The following TNNI2 variants were observed in gnomAD, a reference collection of about 807,000 sequenced individuals.
TNNI2 encodes troponin I, fast skeletal muscle.
TNNI2 carries 14 observed loss-of-function variants against 26.5 expected under a neutral mutation model. That is an observed-to-expected ratio of 0.53 (90% CI 0.35 to 0.83). The LOEUF is 0.83. TNNI2 is among the 40% of genes least tolerant of loss of function. TNNI2 has a pLI of 0.01. For missense variants in TNNI2, 205 were observed against 248.5 expected (o/e 0.82, Z 1.18); for synonymous variants, 126 against 97.6 (o/e 1.29, Z -1.71).
At chr11:1,841,306 G>T in intron 7 of TNNI2, 99 bp downstream of exon 7, 1 of 1,552,618 alleles carries the variant, frequency 6.4e-7, no homozygotes, top group Non-Finnish European at 8.8e-7. Context: ...CTGCCCTGCC[G>T]GGGGCCCTGT....
intron 7 of TNNI2, 105 bp downstream of exon 7, chr11:1,841,312 C>G (rs1847176279): frequency 6.5e-7 from 1 of 1,544,000 alleles, no homozygotes; most frequent in Non-Finnish European, 8.8e-7. Context: ...TGCCGGGGGC[C>G]CTGTACCACT....
At chr11:1,840,265 C>A in intron 3 of TNNI2, 138 bp from the exon 4 acceptor site, 1 of 1,549,090 alleles carries the variant, frequency 6.5e-7, no homozygotes, top group Non-Finnish European at 8.7e-7. Flanking sequence ...GCCCAGCCTG[C>A]CCATCATGGC....
At position 1,840,795 on chromosome 11, in the gene TNNI2, GC is replaced by G. The variant is rs778219309; in HGVS notation, c.187-21del. The G allele has an allele frequency of 1.9e-6, 3 of 1,603,506 alleles. No homozygotes were observed. The African/African-American group carries it at 4.0e-5, about 22-fold the overall frequency. ...GTGGCTGCCAAGTGTCAGGACGGCC[GC>G]CCGCCCCCACACCCACCCCTAGGAG... On this transcript the variant is annotated intron_variant, in intron 5 of 7. Transcript: ENST00000381911.
At chr11:1,841,431 C>T (rs1847179414) in intron 7 of TNNI2, 25 bp from the exon 8 acceptor site, 1 of 1,612,120 alleles carries the variant, frequency 6.2e-7, no homozygotes. Flanking sequence ...TGAGCCTGAG[C>T]TCTCTCCTGC....
chr11:1,839,257 G>A (rs1448615609), intron 1 of TNNI2, among the ~76,000 whole-genome samples: 1 of 152,142 alleles, frequency 6.6e-6, no homozygotes, highest in Non-Finnish European at 1.5e-5. Flanking sequence ...CACCTCTGGG[G>A]ACCCTGGAAG....
rs1181894516 is a variant in TNNI2, at chr11:1,840,605, G to T, written c.135G>T (p.Leu45=). 1 of 1,612,656 alleles carries T rather than the reference G, an allele frequency of 6.2e-7. No homozygotes were observed. The highest frequency in any genetic ancestry group is 2.2e-5 in the East Asian group (1 of 44,890). The change falls in exon 5 of 8, where the codon CTG becomes CTT. Residue 45 remains leucine (L), a synonymous_variant. Coordinates refer to ENST00000381911, the MANE Select transcript of TNNI2 (RefSeq NM_003282.4). ...GTGAGGCAGAGAAGCAGAACTACCT[G>T]GCGGAGCACTGCCCGCCGCTGCATA... ...SRREAEKQNY[L]AEHCPPLHIP...
At chr11:1,840,734 G>A in intron 5 of TNNI2, 78 bp downstream of exon 5, 2 of 1,608,070 alleles carry the variant, frequency 1.2e-6, no homozygotes, top group South Asian at 2.2e-5. Flanking sequence ...CTTGTCAAGA[G>A]GGCCAGTGGG....
Position 1,840,425 on chromosome 11 carries a change from C to T in TNNI2, c.38C>T (p.Ala13Val). 3.7e-6 allele frequency: 6 copies of T among 1,610,610 alleles called. No individual in the cohort carries two copies. The highest frequency in any genetic ancestry group is 5.1e-6 in the Non-Finnish European group (6 of 1,179,526). Residue 13 changes from alanine (A) to valine (V), a missense_variant, in exon 4 of 8, where the codon GCC becomes GTC. Transcript: ENST00000381911. ...CAGAAGCGGAACAGGGCCATCACGGCCCGCAGGCAGCACCTGAAGGTAGGT... is the reference window on the plus strand; with the variant it reads ...CAGAAGCGGAACAGGGCCATCACGGTCCGCAGGCAGCACCTGAAGGTAGGT... ...DEEKRNRAIT[A>V]RRQHLKSVML...
At position 1,841,220 on chromosome 11, in the gene TNNI2, G is replaced by C; in HGVS notation, c.453+13G>C. ...GGACACAGAGAAGGTGCGTGCCACG[G>C]GGGGAGCACCACCACACCTACCCTG... On this transcript the variant is annotated intron_variant, in intron 7 of 7. Transcript: ENST00000381911. The C allele has an allele frequency of 6.2e-7, 1 of 1,609,494 alleles. No homozygotes were observed.
Position 1,839,936 on chromosome 11 carries a change from G to T in TNNI2, c.15+81G>T, listed in dbSNP as rs572404523. ...CATAGGTCATAGGTCACAGCCTCAA[G>T]GCCCTAAGGCCCAGAGAAGATGGCC... On this transcript the variant is annotated intron_variant, in intron 3 of 7. Coordinates refer to ENST00000381911, the MANE Select transcript of TNNI2 (RefSeq NM_003282.4). The T allele has an allele frequency of 2.1e-5, 33 of 1,586,716 alleles. No homozygotes were observed. In the South Asian group the frequency reaches 2.9e-4, roughly 14 times the overall value.
At position 1,840,549 on chromosome 11, in the gene TNNI2, G is replaced by T. The variant is rs1264485089; in HGVS notation, c.79G>T (p.Ala27Ser). ...GCAGAGTGTGATGCTGCAGATAGCG[G>T]CCACGGAGCTGGAGAAGGAGGAGAG... Reference protein sequence around the residue: ...HLKSVMLQIAATELEKEESRR... With the variant: ...HLKSVMLQIASTELEKEESRR... The change falls in exon 5 of 8, where the codon GCC becomes TCC. Residue 27 changes from alanine to serine, a missense_variant. Ala to Ser is a moderately conservative substitution (Grantham distance 99, BLOSUM62 1). Coordinates refer to ENST00000381911, the MANE Select transcript of TNNI2 (RefSeq NM_003282.4). 1 of 1,612,450 alleles carries T rather than the reference G, an allele frequency of 6.2e-7. No homozygotes were observed. Among genetic ancestry groups the T allele is most frequent in the South Asian group, 1.1e-5 (1 of 91,074 alleles).
Position 1,840,915 on chromosome 11 carries a change from G to T in TNNI2, c.276+7G>T. 1.2e-6 allele frequency: 2 copies of T among 1,611,506 alleles called. No homozygotes were observed. The highest frequency in any genetic ancestry group is 2.2e-5 in the East Asian group (1 of 44,800). On this transcript the variant is annotated splice_region_variant and intron_variant, in intron 6 of 7. Coordinates refer to ENST00000381911, the MANE Select transcript of TNNI2 (RefSeq NM_003282.4). ...GCAGAAGACCAGCAAGGAGGTGAGT[G>T]GTGGCGGCGGGCCGGCGGCAGGCGG...
rs995362649 is a variant in TNNI2 at position 1,841,613 on chromosome 11, T to A, written c.*62T>A. ...CTCCCAGCAGAACATACTAGGGAGA[T>A]GCACCCAGAGCCTGCCAGGGAGGGC... On this transcript the variant is annotated 3_prime_UTR_variant, in exon 8 of 8. Transcript: ENST00000381911. The A allele has an allele frequency of 1.3e-6, 2 of 1,498,066 alleles. No homozygotes were observed. The highest frequency in any genetic ancestry group is 1.9e-6 in the Non-Finnish European group (2 of 1,078,764). The allele number at this position is 1,498,066 out of a possible 1,614,324, so 92.8% of individuals were successfully genotyped here.
At chr11:1,841,405 T>C (rs751292587) in intron 7 of TNNI2, 51 bp from the exon 8 acceptor site, 1 of 1,590,548 alleles carries the variant, frequency 6.3e-7, no homozygotes, top group Non-Finnish European at 8.6e-7. Flanking sequence ...TGGACCAGGG[T>C]GCGTGCATAA....
At chr11:1,839,990 A>G (rs562569963) in intron 3 of TNNI2, 135 bp downstream of exon 3, 1 of 1,346,632 alleles carries the variant, frequency 7.4e-7, no homozygotes, top group East Asian at 2.5e-5. Context: ...AAAGTGCCCC[A>G]CCCACCCACC....
chr11:1,840,115 G>T, intron 3 of TNNI2: 2 of 1,058,990 alleles, frequency 1.9e-6, no homozygotes, highest in African/African-American at 1.6e-5. Flanking sequence ...TGCACTTCCC[G>T]CCCCCACCTC....
chr11:1,841,228 A>C (rs773443581), intron 7 of TNNI2, 21 bp downstream of exon 7: 3 of 1,607,344 alleles, frequency 1.9e-6, no homozygotes, highest in Non-Finnish European at 2.5e-6. Flanking sequence ...CGGGGGGAGC[A>C]CCACCACACC....
At chr11:1,840,976 G>A (rs955271139) in intron 6 of TNNI2, 55 bp from the exon 7 acceptor site, 65 of 1,583,248 alleles carry the variant, frequency 4.1e-5, no homozygotes, top group South Asian at 1.0e-4. Flanking sequence ...GGGGCGGGCC[G>A]GGGAGGCCGA....
chr11:1,841,346 G>T (rs1847177132), intron 7 of TNNI2, 110 bp from the exon 8 acceptor site: 3 of 1,532,338 alleles, frequency 2.0e-6, no homozygotes, highest in Non-Finnish European at 2.7e-6. Context: ...GCCATGCAGG[G>T]GACACTCCAC....
Sources: gnomAD v4.1 joint callset for allele counts (sites outside exome capture counted in the v4.1 genomes callset) on GRCh38, gnomAD v4.1.1 for gene constraint, MANE v1.5 for transcripts, NCBI Gene and HGNC (gene_info 2026-07-23, HGNC 2026-07-21) for gene names.